The following INTS4 variants were observed in gnomAD, a reference collection of about 807,000 sequenced individuals.
The protein encoded by INTS4 is MSTP093.
In INTS4, 70 loss-of-function variants were observed where a neutral mutation model predicts 119.5. The observed-to-expected ratio is 0.59, with a 90% CI of 0.48 to 0.71. The LOEUF (loss-of-function observed/expected upper bound fraction) is 0.71, where lower values mean the gene tolerates loss of function less well. Ranked by LOEUF, INTS4 falls within the 30% of genes least tolerant of loss-of-function variation. INTS4 has a pLI of 0.00. For synonymous variants in INTS4, 316 were observed against 419.6 expected, an observed-to-expected ratio of 0.75 and a Z score of 3.02; for missense variants, 867 against 1,173.2, an observed-to-expected ratio of 0.74 and a Z score of 3.81.
chr11:77,979,985 A>G, intron 3 of INTS4, among the ~76,000 whole-genome samples: 1 of 135,942 alleles, frequency 7.4e-6, no homozygotes, highest in East Asian at 2.0e-4. Context: ...CTCAAAAAAA[A>G]AAAAAAAAAG....
intron 4 of INTS4, among the ~76,000 whole-genome samples, chr11:77,964,505 C>T (rs1188156369): frequency 4.0e-5 from 6 of 151,806 alleles, no homozygotes; most frequent in Non-Finnish European, 8.8e-5. Context: ...ACCCAGGAGG[C>T]GGAGCTTGCA....
chr11:77,907,834 G>A (rs759784087), intron 15 of INTS4, 24 bp from the exon 16 acceptor site: 107 of 1,447,718 alleles, frequency 7.4e-5, no homozygotes, highest in Non-Finnish European at 9.9e-5. Context: ...AACCCCCAAG[G>A]CAAACACAGG....
At chr11:77,895,642 GGAGT>G (rs1240674971) in intron 18 of INTS4, among the ~76,000 whole-genome samples, 2 of 151,116 alleles carry the variant, frequency 1.3e-5, no homozygotes, top group Non-Finnish European at 2.9e-5. Context: ...AACACCACAA[GGAGT>G]GAGAGGGCTA....
At chr11:77,909,291 A>C (rs1273955250) in intron 15 of INTS4, among the ~76,000 whole-genome samples, 1 of 152,240 alleles carries the variant, frequency 6.6e-6, no homozygotes, top group Non-Finnish European at 1.5e-5. Flanking sequence ...ATCTGGAAAA[A>C]TATCTTAGTC....
chr11:77,897,381 AGAAG>A (rs1952570821), intron 18 of INTS4, among the ~76,000 whole-genome samples: 1 of 151,480 alleles, frequency 6.6e-6, no homozygotes, highest in African/African-American at 2.4e-5. Flanking sequence ...ATAAAAATAA[AGAAG>A]GATATACAAG....
At chr11:77,934,311 C>T (rs1351508858) in intron 10 of INTS4, among the ~76,000 whole-genome samples, 1 of 151,504 alleles carries the variant, frequency 6.6e-6, no homozygotes, top group African/African-American at 2.4e-5. Flanking sequence ...ACTTGCTTAT[C>T]TGCTGACCTT....
chr11:77,957,548 T>C (rs1954359918), intron 7 of INTS4, among the ~76,000 whole-genome samples: 1 of 150,574 alleles, frequency 6.6e-6, no homozygotes, highest in Admixed American at 6.6e-5. Flanking sequence ...AGACCCTGCC[T>C]TAAAAAAAAA....
chr11:77,950,688 A>C (rs964879316), intron 8 of INTS4, among the ~76,000 whole-genome samples: 5 of 152,036 alleles, frequency 3.3e-5, no homozygotes, highest in African/African-American at 1.2e-4. Context: ...CAAAACATCA[A>C]CTTGTGCCCC....
intron 15 of INTS4, among the ~76,000 whole-genome samples, chr11:77,917,295 AT>A (rs1169501711): frequency 1.3e-5 from 2 of 151,494 alleles, no homozygotes; most frequent in Non-Finnish European, 2.9e-5. Flanking sequence ...TACAAATTAT[AT>A]AATATAATAT....
chr11:77,940,659 CAG>C (rs1325532553), intron 9 of INTS4, among the ~76,000 whole-genome samples: 3 of 152,058 alleles, frequency 2.0e-5, no homozygotes, highest in African/African-American at 7.2e-5. Context: ...TTTTTTGAGA[CAG>C]AGTCCCACTC....
intron 8 of INTS4, among the ~76,000 whole-genome samples, chr11:77,950,161 G>T (rs1468179169): frequency 1.3e-5 from 2 of 151,488 alleles, no homozygotes; most frequent in Non-Finnish European, 2.9e-5. Context: ...AGTGAGAGTT[G>T]AACAATGTGA....
intron 10 of INTS4, among the ~76,000 whole-genome samples, chr11:77,933,804 G>A (rs1422025657): frequency 1.3e-5 from 2 of 150,618 alleles, no homozygotes; most frequent in African/African-American, 2.4e-5. Context: ...CAGCCGCCCC[G>A]TCCGGGAGGT....
At chr11:77,943,881 G>A (rs1235244455) in intron 8 of INTS4, among the ~76,000 whole-genome samples, 1 of 152,172 alleles carries the variant, frequency 6.6e-6, no homozygotes, top group Non-Finnish European at 1.5e-5. Context: ...AAGTACATCA[G>A]ACATAAAACT....
chr11:77,900,443 G>A (rs1952741152), intron 18 of INTS4: 1 of 531,582 alleles, frequency 1.9e-6, no homozygotes, highest in Non-Finnish European at 3.3e-6. Flanking sequence ...GACTTTATGA[G>A]GTCACTATCA....
chr11:77,960,766 C>T (rs1954449339), intron 5 of INTS4, among the ~76,000 whole-genome samples, 187 bp downstream of exon 5: 1 of 152,122 alleles, frequency 6.6e-6, no homozygotes, highest in Non-Finnish European at 1.5e-5. Flanking sequence ...ATGAAAGCTA[C>T]CAGAGAAAGC....
chr11:77,960,625 T>C (rs1954445440), intron 5 of INTS4, among the ~76,000 whole-genome samples: 1 of 152,034 alleles, frequency 6.6e-6, no homozygotes, highest in South Asian at 2.1e-4. Context: ...TATGAAATAA[T>C]GATATGAAGC....
intron 18 of INTS4, among the ~76,000 whole-genome samples, chr11:77,899,150 G>T (rs1418797664): frequency 6.6e-6 from 1 of 152,102 alleles, no homozygotes; most frequent in East Asian, 1.9e-4. Context: ...CTGAGGCCAA[G>T]AATTGTTAAG....
At chr11:77,921,319 C>A (rs1407496213) in intron 14 of INTS4, 21 bp downstream of exon 14, 3 of 1,608,982 alleles carry the variant, frequency 1.9e-6, no homozygotes, top group African/African-American at 1.3e-5. Flanking sequence ...AAAACAAGGA[C>A]AACAGATGTT....
At position 77,956,049 on chromosome 11, in the gene INTS4, G is replaced by T; in HGVS notation, c.811C>A (p.Pro271Thr). 1.9e-6 allele frequency: 3 copies of T among 1,595,744 alleles called. No individual in the cohort carries two copies. The highest frequency in any genetic ancestry group is 2.6e-6 in the Non-Finnish European group (3 of 1,173,822). ...QLYPESIVPI[P>T]SSNEEIRLVD... ...AAGCGTATTTCTTCATTAGAAGAAGGAATTGGGACAATGCTAAATTAAAAG... is the reference window on the plus strand; with the variant it reads ...AAGCGTATTTCTTCATTAGAAGAAGTAATTGGGACAATGCTAAATTAAAAG... The change falls in exon 8 of 23, where the codon CCT (proline) becomes ACT (threonine). Residue 271 changes from proline (P) to threonine (T), a missense_variant. Physicochemically the swap from Pro to Thr is conservative, Grantham distance 38 (BLOSUM62 -1). Transcript: ENST00000534064.
Sources: allele counts gnomAD v4.1 joint callset (sites outside exome capture counted in the v4.1 genomes callset), GRCh38; gene constraint gnomAD v4.1.1; transcripts MANE v1.5; gene names NCBI Gene and HGNC (gene_info 2026-07-23, HGNC 2026-07-21).